The following WDR18 variants were observed in gnomAD, a reference collection of about 807,000 sequenced individuals.
WDR18 encodes the protein WD repeat domain 18, also known as WD repeat-containing protein 18.
Under a neutral mutation model 49.6 loss-of-function variants are expected in WDR18, and 33 were observed. The observed-to-expected ratio is 0.67, with a 90% CI of 0.50 to 0.89. The LOEUF (loss-of-function observed/expected upper bound fraction) is 0.89. WDR18 is among the 40% of genes least tolerant of loss of function. The pLI, the probability that WDR18 is intolerant of heterozygous loss-of-function variation, is 0.00. For synonymous variants in WDR18, 315 were observed against 263.6 expected, an observed-to-expected ratio of 1.19 and a Z score of -1.89; for missense variants, 653 against 593.6, an observed-to-expected ratio of 1.10 and a Z score of -1.04.
chr19:986,084 G>A, intron 2 of WDR18, 109 bp downstream of exon 2: 1 of 1,002,818 alleles, frequency 1.0e-6, no homozygotes. Context: ...TGGGATGGGT[G>A]ACTGCTCAGG....
chr19:989,007 C>T (rs192226550), intron 2 of WDR18, among the ~76,000 whole-genome samples: 1 of 149,732 alleles, frequency 6.7e-6, no homozygotes, highest in African/African-American at 2.5e-5. Context: ...CATCTCAGCT[C>T]TCGAATCCAC....
chr19:986,354 C>T (rs1311625595), intron 2 of WDR18, among the ~76,000 whole-genome samples: 1 of 152,234 alleles, frequency 6.6e-6, no homozygotes, highest in East Asian at 1.9e-4. Flanking sequence ...AATGCAACCT[C>T]TGCCTCCCAG....
chr19:993,194 C>T (rs945250974), intron 8 of WDR18, among the ~76,000 whole-genome samples: 2 of 152,230 alleles, frequency 1.3e-5, no homozygotes, highest in Non-Finnish European at 2.9e-5. Context: ...CAGAAAGTGC[C>T]GGAACTTTCG....
rs539222930 is a variant in WDR18, at chr19:991,923, A to T, written c.932-32A>T. The T allele has an allele frequency of 5.7e-5, 84 of 1,471,206 alleles. 1 individual carries two copies. The African/African-American group carries it at 1.3e-3, about 22-fold the overall frequency. 91.1% of individuals were successfully genotyped at this position (1,471,206 alleles called of 1,614,324 possible). A position where few individuals can be genotyped will look rare whatever the true frequency, so the allele number is the denominator to read the frequency against. On this transcript the variant is annotated intron_variant, in intron 7 of 9. Transcript: ENST00000585809. Reference sequence around the variant, plus strand: ...TGCTGTGGGGTGGGGCCTGGCTGGGATGGGGCGGGGCCTGACCTCCGCGCC... The same window carrying T: ...TGCTGTGGGGTGGGGCCTGGCTGGGTTGGGGCGGGGCCTGACCTCCGCGCC...
In WDR18 at chr19:994,376, C is replaced by T. The variant is rs758471034; in HGVS notation, c.*32C>T. On this transcript the variant is annotated 3_prime_UTR_variant, in exon 10 of 10. Transcript: ENST00000585809. The stretch of plus-strand genomic sequence containing the variant: ...GAGACCCCGGCCCGAGGCGCCCAGG[C>T]CTGAGCCCCATGCCTCCCAGCAACC... 1.9e-6 allele frequency: 3 copies of T among 1,582,722 alleles called. No individual in the cohort carries two copies. The highest frequency in any genetic ancestry group is 2.6e-6 in the Non-Finnish European group (3 of 1,166,824).
rs1299459505 is a variant in WDR18, at chr19:991,467, GGGGGCGTGGACTGGCTGT to G, written c.931+123_931+140del. ...GTTTGCTGTGGGGCGGGGCCGGGCT[GGGGGCGTGGACTGGCTGT>G]GGGGCGGGGCCTGGCTGGGGGAGTG... On this transcript the variant is annotated intron_variant, in intron 7 of 9. Coordinates refer to ENST00000585809, the MANE Select transcript of WDR18 (RefSeq NM_024100.4). The G allele has an allele frequency of 2.0e-3, 1,847 of 924,942 alleles. 45 individuals carry two copies. The highest frequency in any genetic ancestry group is 2.3e-3 in the Non-Finnish European group (1,556 of 667,154). 57.3% of individuals were successfully genotyped at this position (924,942 alleles called of 1,614,324 possible). A position where few individuals can be genotyped will look rare whatever the true frequency, so the allele number is the denominator to read the frequency against.
In WDR18 at chr19:994,095, G is replaced by A. The variant is rs769742046; in HGVS notation, c.1167+7G>A. 2.6e-6 allele frequency: 4 copies of A among 1,554,840 alleles called. No individual in the cohort carries two copies. The highest frequency in any genetic ancestry group is 2.4e-5 in the South Asian group (2 of 84,770). ...GTGCAGCACCATGGAGAAGGTGGGC[G>A]GGGCCTCGGGAGGGGCGGGGCCTGA... On this transcript the variant is annotated splice_region_variant and intron_variant, in intron 9 of 9. Transcript: ENST00000585809.
intron 2 of WDR18, among the ~76,000 whole-genome samples, chr19:986,658 G>A (rs1055465642): frequency 6.6e-6 from 1 of 152,186 alleles, no homozygotes; most frequent in Admixed American, 6.5e-5. Flanking sequence ...CTCTCACTGC[G>A]AGACAGAGTG....
chr19:992,407 T>G (rs1016289082), intron 8 of WDR18, among the ~76,000 whole-genome samples: 1 of 152,150 alleles, frequency 6.6e-6, no homozygotes, highest in Non-Finnish European at 1.5e-5. Flanking sequence ...TATCTGACAG[T>G]CAGTTAGGTC....
chr19:986,970 C>T (rs936354598), intron 2 of WDR18, among the ~76,000 whole-genome samples: 1 of 152,196 alleles, frequency 6.6e-6, no homozygotes, highest in Non-Finnish European at 1.5e-5. Context: ...CCCTTCCTGA[C>T]CTTGTCCTTG....
chr19:994,318 C>T lies in WDR18; in HGVS notation c.1273C>T (p.Arg425Cys), dbSNP rs375540536. The change falls in exon 10 of 10, where the codon CGC becomes TGC. Residue 425 changes from arginine (R) to cysteine (C), a missense_variant. Coordinates refer to ENST00000585809, the MANE Select transcript of WDR18 (RefSeq NM_024100.4). ...INRDLFDFST[R>C]FITRPAK ...TCGGGACCTGTTCGACTTCTCCACG[C>T]GCTTCATCACGCGGCCGGCCAAGTG... 1.7e-5 allele frequency: 28 copies of T among 1,610,248 alleles called. No individual in the cohort carries two copies. Among genetic ancestry groups the T allele is most frequent in the African/African-American group, 2.7e-5 (2 of 74,880 alleles).
At chr19:984,185 A>T, upstream of WDR18, 3 of 704,964 alleles carry the variant, frequency 4.3e-6, no homozygotes, top group Non-Finnish European at 6.5e-6. Flanking sequence ...CTCGAGTCTC[A>T]GGTAAGCGGG....
At chr19:987,471 G>C (rs147767441) in intron 2 of WDR18, among the ~76,000 whole-genome samples, 1 of 152,164 alleles carries the variant, frequency 6.6e-6, no homozygotes, top group Non-Finnish European at 1.5e-5. Context: ...CTACATTGCC[G>C]TAGCTGCTCT....
chr19:987,674 G>A (rs2038488431), intron 2 of WDR18, among the ~76,000 whole-genome samples: 1 of 152,038 alleles, frequency 6.6e-6, no homozygotes, highest in South Asian at 2.1e-4. Flanking sequence ...AGCCCTGGTT[G>A]CTGTCAGTCT....
At position 991,357 on chromosome 19, in the gene WDR18, C is replaced by T. The variant is rs538871385; in HGVS notation, c.931+6C>T. ...CCGGACGGTGGCCCTCAAAGGTGGG[C>T]GCGCCTCTGCTCGGCCCGCGGCCAG... On this transcript the variant is annotated splice_donor_region_variant and intron_variant, in intron 7 of 9. Transcript: ENST00000585809. 14 of 1,545,316 alleles carry T rather than the reference C, an allele frequency of 9.1e-6. No individual in the cohort carries two copies. In the South Asian group the frequency reaches 1.5e-4, roughly 17 times the overall value.
Position 994,418 on chromosome 19 carries a change from GC to G in WDR18, c.*79del, listed in dbSNP as rs2038605273. The stretch of plus-strand genomic sequence containing the variant: ...CCAGCAACCAGGGCCCGCGGGTGTG[GC>G]CCCCACCAGCCCAGGCCTGGACTCT... On this transcript the variant is annotated 3_prime_UTR_variant, in exon 10 of 10. Transcript: ENST00000585809. 6 of 1,524,448 alleles carry G rather than the reference GC, an allele frequency of 3.9e-6. No individual in the cohort carries two copies. The highest frequency in any genetic ancestry group is 4.4e-6 in the Non-Finnish European group (5 of 1,136,972). The allele number at this position is 1,524,448 out of a possible 1,614,324, so 94.4% of individuals were successfully genotyped here. A position where few individuals can be genotyped will look rare whatever the true frequency, so the allele number is the denominator to read the frequency against.
At chr19:993,286 C>T (rs984072699) in intron 8 of WDR18, among the ~76,000 whole-genome samples, 2 of 152,262 alleles carry the variant, frequency 1.3e-5, no homozygotes, top group Non-Finnish European at 2.9e-5. Context: ...AGGGCAGCAG[C>T]GGTTCCCACG....
At chr19:985,312 C>T (rs896660711) in intron 1 of WDR18, among the ~76,000 whole-genome samples, 2 of 152,118 alleles carry the variant, frequency 1.3e-5, no homozygotes, top group African/African-American at 2.4e-5. Flanking sequence ...ACTACAGGCC[C>T]GCACCAACCA....
At position 984,471 on chromosome 19, in the gene WDR18, G is replaced by T; in HGVS notation, c.118G>T (p.Gly40Ter). 1 of 1,582,560 alleles carries T rather than the reference G, an allele frequency of 6.3e-7. No individual in the cohort carries two copies. The highest frequency in any genetic ancestry group is 8.6e-7 in the Non-Finnish European group (1 of 1,166,602). ...NLLTYRGGQAGPRGLALLNGE... is the reference protein window; with the variant it reads ...NLLTYRGGQA ...GCTCACCTACCGCGGCGGCCAGGCGGGACCCCGCGGCCTGGCGCTGCTCAA... is the reference window on the plus strand; with the variant it reads ...GCTCACCTACCGCGGCGGCCAGGCGTGACCCCGCGGCCTGGCGCTGCTCAA... Residue 40 changes from glycine (G) to a stop codon, truncating the protein, a stop_gained, in exon 1 of 10, where the codon GGA becomes TGA. Coordinates refer to ENST00000585809, the MANE Select transcript of WDR18 (RefSeq NM_024100.4). LOFTEE classifies it high-confidence loss of function.
Sources: gnomAD v4.1 joint callset for allele counts (sites outside exome capture counted in the v4.1 genomes callset) on GRCh38, gnomAD v4.1.1 for gene constraint, MANE v1.5 for transcripts, NCBI Gene and HGNC (gene_info 2026-07-23, HGNC 2026-07-21) for gene names.